The following TRDN variants were observed in gnomAD, a reference collection of about 807,000 sequenced individuals.
The protein encoded by TRDN is triadin.
A neutral mutation model predicts 149.7 loss-of-function variants in TRDN; 161 were observed. That is an observed-to-expected ratio of 1.08 (90% confidence interval 0.95 to 1.23). The LOEUF (loss-of-function observed/expected upper bound fraction) is 1.23, where lower values mean the gene tolerates loss of function less well. Among genes scored for constraint, TRDN ranks in the 50% most tolerant of loss-of-function variants. TRDN has a pLI of 0.00. For missense variants in TRDN, 896 were observed against 823.5 expected (o/e 1.09, Z -1.08); for synonymous variants, 294 against 250.5 (o/e 1.17, Z -1.64).
intron 21 of TRDN, among the ~76,000 whole-genome samples, chr6:123,341,600 A>G (rs1780065243): frequency 6.6e-6 from 1 of 151,938 alleles, no homozygotes; most frequent in Non-Finnish European, 1.5e-5. Context: ...CTTGAATGAC[A>G]TCTGAACAAT....
intron 2 of TRDN, among the ~76,000 whole-genome samples, chr6:123,550,082 AT>A (rs1562381272): frequency 6.6e-6 from 1 of 152,216 alleles, no homozygotes; most frequent in East Asian, 1.9e-4. Context: ...GTAATGCAAC[AT>A]GATTTACAAA....
At chr6:123,580,322 A>G (rs1783062482) in intron 1 of TRDN, among the ~76,000 whole-genome samples, 1 of 152,198 alleles carries the variant, frequency 6.6e-6, no homozygotes, top group African/African-American at 2.4e-5. Flanking sequence ...ATAACTATGT[A>G]AAATCAGTAA....
chr6:123,259,492 G>T (rs1209905507), intron 35 of TRDN, 132 bp downstream of exon 35: 3 of 621,178 alleles, frequency 4.8e-6, no homozygotes, highest in Non-Finnish European at 5.7e-6. Flanking sequence ...CTATAATTAT[G>T]ATATGTGCTA....
At chr6:123,437,107 A>C (rs1239415981) in intron 12 of TRDN, among the ~76,000 whole-genome samples, 11 of 152,046 alleles carry the variant, frequency 7.2e-5, no homozygotes, top group African/African-American at 2.7e-4. Context: ...TAAAGCAAAA[A>C]TCGAAACTGT....
intron 26 of TRDN, among the ~76,000 whole-genome samples, chr6:123,276,721 GGC>G (rs1293140833): frequency 2.0e-5 from 3 of 152,130 alleles, no homozygotes; most frequent in Non-Finnish European, 4.4e-5. Context: ...CTTATCTAAT[GGC>G]TTAGACGCCC....
chr6:123,506,663 A>G (rs1458137710), intron 7 of TRDN, among the ~76,000 whole-genome samples: 1 of 151,642 alleles, frequency 6.6e-6, no homozygotes, highest in Non-Finnish European at 1.5e-5. Context: ...TAATTTTTGT[A>G]TTTTTAGTAG....
At chr6:123,336,934 T>C (rs560959505) in intron 22 of TRDN, among the ~76,000 whole-genome samples, 2 of 152,004 alleles carry the variant, frequency 1.3e-5, no homozygotes, top group African/African-American at 2.4e-5. Context: ...AGGGGACTCA[T>C]TGAAGGCTGA....
intron 22 of TRDN, among the ~76,000 whole-genome samples, chr6:123,335,361 T>C (rs534104250): frequency 3.3e-5 from 5 of 151,994 alleles, no homozygotes; most frequent in Admixed American, 6.6e-5. Context: ...TAATTTTACA[T>C]TGAGCAAAAA....
intron 12 of TRDN, among the ~76,000 whole-genome samples, chr6:123,407,134 G>A (rs1242608546): frequency 6.6e-6 from 1 of 152,136 alleles, no homozygotes; most frequent in African/African-American, 2.4e-5. Context: ...TATTATCTGA[G>A]TTGAGCATGA....
intron 5 of TRDN, among the ~76,000 whole-genome samples, chr6:123,524,216 A>C (rs1779826290): frequency 1.3e-5 from 2 of 152,302 alleles, no homozygotes; most frequent in South Asian, 4.1e-4. Context: ...AGGACAAAGA[A>C]TACAGACAGG....
intron 2 of TRDN, among the ~76,000 whole-genome samples, chr6:123,556,488 T>C (rs1009093416): frequency 1.6e-4 from 25 of 152,188 alleles, no homozygotes; most frequent in Non-Finnish European, 2.6e-4. Context: ...TAATATTAAC[T>C]TCACTTGGAG....
intron 10 of TRDN, among the ~76,000 whole-genome samples, chr6:123,463,547 T>A (rs1181939311): frequency 6.6e-6 from 1 of 151,804 alleles, no homozygotes; most frequent in Non-Finnish European, 1.5e-5. Flanking sequence ...AAAGTCTCCC[T>A]CAAGTTGGGA....
intron 9 of TRDN, among the ~76,000 whole-genome samples, chr6:123,495,773 G>T (rs1005889524): frequency 1.3e-5 from 2 of 151,904 alleles, no homozygotes; most frequent in Admixed American, 1.3e-4. Flanking sequence ...ACAAATTAAA[G>T]TTATAACATT....
rs139833284 is a variant in TRDN at position 123,620,525 on chromosome 6, C to A, written c.22+16229G>T. On this transcript the variant is annotated intron_variant, in intron 1 of 40. Transcript: ENST00000334268. ...ATGCCTAGTATACCCATGCTCTTCACAGAGTTTTACAAATAGAATTTTTTT... is the reference window on the plus strand; with the variant it reads ...ATGCCTAGTATACCCATGCTCTTCAAAGAGTTTTACAAATAGAATTTTTTT... Among the ~76,000 whole-genome samples, 25 of 151,900 alleles carry A rather than the reference C, an allele frequency of 1.6e-4. No homozygotes were observed. The South Asian group carries it at 3.1e-3, about 19-fold the overall frequency.
chr6:123,294,738 G>T (rs899110552), intron 24 of TRDN, among the ~76,000 whole-genome samples: 2 of 152,090 alleles, frequency 1.3e-5, no homozygotes, highest in African/African-American at 4.8e-5. Context: ...ATGGCCTGGG[G>T]GTTGGGAATC....
intron 1 of TRDN, among the ~76,000 whole-genome samples, chr6:123,617,514 A>G (rs754020827): frequency 3.9e-5 from 6 of 152,274 alleles, no homozygotes; most frequent in Non-Finnish European, 5.9e-5. Context: ...AATTTTGCTG[A>G]TTATTAGCTG....
chr6:123,418,849 TTA>T (rs1773773773), intron 12 of TRDN, among the ~76,000 whole-genome samples: 1 of 152,128 alleles, frequency 6.6e-6, no homozygotes, highest in Non-Finnish European at 1.5e-5. Flanking sequence ...GCTGCTTTTT[TTA>T]TGAGCCTTGA....
chr6:123,287,249 AT>A (rs1231632401), intron 24 of TRDN, among the ~76,000 whole-genome samples: 1 of 152,130 alleles, frequency 6.6e-6, no homozygotes, highest in Non-Finnish European at 1.5e-5. Context: ...ATATCCAAAT[AT>A]ATTAATGAAT....
intron 38 of TRDN, among the ~76,000 whole-genome samples, chr6:123,249,756 A>G (rs1053816571): frequency 6.6e-6 from 1 of 152,188 alleles, no homozygotes; most frequent in Non-Finnish European, 1.5e-5. Flanking sequence ...AAAGATGGAA[A>G]TAATAGACAT....
Sources: gnomAD v4.1 joint callset for allele counts (sites outside exome capture counted in the v4.1 genomes callset) on GRCh38, gnomAD v4.1.1 for gene constraint, MANE v1.5 for transcripts, NCBI Gene and HGNC (gene_info 2026-07-23, HGNC 2026-07-21) for gene names.